SLC24A2: variants seen among roughly 807,000 people sequenced by gnomAD.
SLC24A2 encodes the protein solute carrier family 24 member 2.
A neutral mutation model predicts 62.0 loss-of-function variants in SLC24A2; 36 were observed. The ratio of observed to expected loss-of-function variants is 0.58; its 90% CI spans 0.44 to 0.77. The LOEUF (loss-of-function observed/expected upper bound fraction) is 0.77, where lower values mean the gene tolerates loss of function less well. Ranked by LOEUF, SLC24A2 falls within the 30% of genes least tolerant of loss-of-function variation. SLC24A2 has a pLI of 0.00. For missense variants in SLC24A2, 846 were observed against 817.9 expected, an observed-to-expected ratio of 1.03 and a Z score of -0.42; for synonymous variants, 358 against 294.0, an observed-to-expected ratio of 1.22 and a Z score of -2.23.
the SLC24A2 span, among the ~76,000 whole-genome samples, chr9:20,168,111 G>T: frequency 6.6e-6 from 1 of 151,914 alleles, no homozygotes; most frequent in African/African-American, 2.4e-5. Context: ...TGTGATGTGT[G>T]CATATATCAA....
At chr9:20,129,896 T>A in the SLC24A2 span, among the ~76,000 whole-genome samples, 1 of 148,604 alleles carries the variant, frequency 6.7e-6, no homozygotes, top group Non-Finnish European at 1.5e-5. Flanking sequence ...TAAATGTAAC[T>A]AATGGTAAAT....
chr9:19,883,982 C>T, the SLC24A2 span, among the ~76,000 whole-genome samples: 4 of 152,254 alleles, frequency 2.6e-5, no homozygotes, highest in Non-Finnish European at 5.9e-5. Flanking sequence ...CAGTCTTTGA[C>T]CCTTATCTCC....
the SLC24A2 span, among the ~76,000 whole-genome samples, chr9:20,233,464 C>CTTT: frequency 2.6e-5 from 4 of 152,068 alleles, no homozygotes; most frequent in Non-Finnish European, 5.9e-5. Flanking sequence ...TTAATTGATC[C>CTTT]CTTTACCATT....
chr9:19,863,951 C>CA, the SLC24A2 span, among the ~76,000 whole-genome samples: 2 of 150,700 alleles, frequency 1.3e-5, no homozygotes, highest in African/African-American at 2.4e-5. Context: ...GCCAGACTAA[C>CA]AAAAAAAGAG....
chr9:19,523,256 GC>G, intron 9 of SLC24A2, among the ~76,000 whole-genome samples: 1 of 152,304 alleles, frequency 6.6e-6, no homozygotes, highest in East Asian at 1.9e-4. Context: ...AAGAGCACTG[GC>G]TTGGGAGATG....
At chr9:19,535,859 G>C (rs796187592) in intron 8 of SLC24A2, among the ~76,000 whole-genome samples, 7 of 152,200 alleles carry the variant, frequency 4.6e-5, no homozygotes, top group African/African-American at 1.7e-4. Context: ...CTTTAAAGCA[G>C]TTTTTCCAAT....
At chr9:19,637,934 G>T (rs991075937) in intron 2 of SLC24A2, among the ~76,000 whole-genome samples, 2 of 152,200 alleles carry the variant, frequency 1.3e-5, no homozygotes, top group Non-Finnish European at 2.9e-5. Flanking sequence ...TTTGCTTGCT[G>T]TGCTTTATTT....
chr9:20,015,700 TAC>T, the SLC24A2 span, among the ~76,000 whole-genome samples: 1 of 152,220 alleles, frequency 6.6e-6, no homozygotes, highest in East Asian at 1.9e-4. Context: ...TGTCTTCTCA[TAC>T]AGATTCAAAG....
chr9:19,626,819 T>C (rs1818046403), intron 2 of SLC24A2, among the ~76,000 whole-genome samples: 1 of 152,140 alleles, frequency 6.6e-6, no homozygotes, highest in African/African-American at 2.4e-5. Context: ...AATAAAAACA[T>C]TCAAAATGTC....
At chr9:19,875,146 T>C in the SLC24A2 span, among the ~76,000 whole-genome samples, 1 of 152,194 alleles carries the variant, frequency 6.6e-6, no homozygotes, top group Non-Finnish European at 1.5e-5. Flanking sequence ...AAATCATAAA[T>C]GGATACCTTT....
chr9:19,529,751 G>GTT (rs72029564), intron 8 of SLC24A2, among the ~76,000 whole-genome samples: 20 of 136,000 alleles, frequency 1.5e-4, no homozygotes, highest in South Asian at 2.4e-4. Flanking sequence ...GGAGACCTTC[G>GTT]TTTTTTTTTT....
chr9:20,183,381 A>G, the SLC24A2 span, among the ~76,000 whole-genome samples: 388 of 152,354 alleles, frequency 2.5e-3, 3 homozygotes, highest in African/African-American at 8.9e-3. Context: ...GATGTCCTCA[A>G]AACTGCTTTC....
At chr9:19,542,604 GTT>G (rs1356475154) in intron 8 of SLC24A2, among the ~76,000 whole-genome samples, 1 of 152,118 alleles carries the variant, frequency 6.6e-6, no homozygotes, top group Non-Finnish European at 1.5e-5. Flanking sequence ...ATTGAGATAC[GTT>G]CAATCAGTGC....
chr9:20,255,775 G>T, the SLC24A2 span, among the ~76,000 whole-genome samples: 9 of 152,144 alleles, frequency 5.9e-5, no homozygotes, highest in Non-Finnish European at 1.2e-4. Flanking sequence ...AACACATTCA[G>T]GTTAAAAGGA....
chr9:20,005,364 T>C, the SLC24A2 span, among the ~76,000 whole-genome samples: 1 of 152,262 alleles, frequency 6.6e-6, no homozygotes, highest in Non-Finnish European at 1.5e-5. Context: ...AAAACAAATT[T>C]TGAGGGCTTA....
Position 19,735,001 on chromosome 9 carries a change from T to C in SLC24A2, c.930+50936A>G, listed in dbSNP as rs527963325. The stretch of plus-strand genomic sequence containing the variant: ...AAAGCAATGGCAACAAAAGCCAAAA[T>C]TGACAAATGGGATCTAATTAAACTA... On this transcript the variant is annotated intron_variant, in intron 2 of 10. Transcript: ENST00000341998. Among the ~76,000 whole-genome samples, 18 of 152,000 alleles carry C rather than the reference T, an allele frequency of 1.2e-4. No individual in the cohort carries two copies. The South Asian group carries it at 3.7e-3, about 32-fold the overall frequency.
intron 2 of SLC24A2, among the ~76,000 whole-genome samples, chr9:19,734,462 T>C (rs1338309789): frequency 6.6e-6 from 1 of 152,208 alleles, no homozygotes; most frequent in Non-Finnish European, 1.5e-5. Context: ...ATTGAATCTA[T>C]AAATTACCTT....
At chr9:19,688,721 A>G (rs898801631) in intron 2 of SLC24A2, among the ~76,000 whole-genome samples, 1 of 152,072 alleles carries the variant, frequency 6.6e-6, no homozygotes, top group Non-Finnish European at 1.5e-5. Context: ...AAATTTTTGA[A>G]TATTATTTTA....
At chr9:19,563,171 G>C (rs780434789) in intron 7 of SLC24A2, among the ~76,000 whole-genome samples, 4 of 125,112 alleles carry the variant, frequency 3.2e-5, no homozygotes, top group Non-Finnish European at 7.5e-5. Flanking sequence ...TCACTATTCA[G>C]CTTTGGCATC....
Sources: allele counts gnomAD v4.1 joint callset (sites outside exome capture counted in the v4.1 genomes callset), GRCh38; gene constraint gnomAD v4.1.1; transcripts MANE v1.5; gene names NCBI Gene and HGNC (gene_info 2026-07-23, HGNC 2026-07-21).